Variants in GALNTL6 observed in about 807,000 individuals in gnomAD.
The protein encoded by GALNTL6 is polypeptide N-acetylgalactosaminyltransferase like 6.
Under a neutral mutation model 73.7 loss-of-function variants are expected in GALNTL6, and 46 were observed. That is an observed-to-expected ratio of 0.62 (90% confidence interval 0.49 to 0.80). The LOEUF (loss-of-function observed/expected upper bound fraction) is 0.80, where lower values mean the gene tolerates loss of function less well. Ranked by LOEUF, GALNTL6 falls within the 30% of genes least tolerant of loss-of-function variation. The pLI is 0.00. For missense variants in GALNTL6, 604 were observed against 755.0 expected, an observed-to-expected ratio of 0.80 and a Z score of 2.34; for synonymous variants, 259 against 263.7, an observed-to-expected ratio of 0.98 and a Z score of 0.17.
chr4:172,792,445 A>T (rs1449606636), intron 5 of GALNTL6, among the ~76,000 whole-genome samples: 1 of 152,134 alleles, frequency 6.6e-6, no homozygotes, highest in Non-Finnish European at 1.5e-5. Context: ...ACTAGTAAAA[A>T]AGTGAGGAAA....
intron 5 of GALNTL6, among the ~76,000 whole-genome samples, chr4:172,706,488 G>C (rs1364424316): frequency 6.6e-6 from 1 of 151,976 alleles, no homozygotes; most frequent in Non-Finnish European, 1.5e-5. Flanking sequence ...GGAGGTCATG[G>C]TTCTCTATCC....
intron 5 of GALNTL6, among the ~76,000 whole-genome samples, chr4:172,772,885 G>C (rs1298925952): frequency 6.6e-5 from 10 of 152,160 alleles, no homozygotes; most frequent in Non-Finnish European, 8.8e-5. Flanking sequence ...GTCCTTATAA[G>C]AGGGAAGAAG....
rs572971666 is a variant in GALNTL6, at chr4:171,931,867, A to T, written c.138+117149A>T. Among the ~76,000 whole-genome samples, 6 of 152,198 alleles carry T rather than the reference A, an allele frequency of 3.9e-5. No individual in the cohort carries two copies. The South Asian group carries it at 1.2e-3, about 32-fold the overall frequency. ...CACAGTTCATAAAACTAAAATCCTT[A>T]ATTCACATTTGTATGTTGTGAGTTA... On this transcript the variant is annotated intron_variant, in intron 2 of 12. Coordinates refer to ENST00000506823, the MANE Select transcript of GALNTL6 (RefSeq NM_001034845.3).
chr4:172,849,545 A>G (rs1490536577), intron 7 of GALNTL6, among the ~76,000 whole-genome samples: 1 of 152,200 alleles, frequency 6.6e-6, no homozygotes, highest in Non-Finnish European at 1.5e-5. Flanking sequence ...AATGGCATCC[A>G]TTTACCTTAA....
intron 2 of GALNTL6, among the ~76,000 whole-genome samples, chr4:171,933,562 T>C (rs1231235452): frequency 1.3e-5 from 2 of 152,140 alleles, no homozygotes; most frequent in Non-Finnish European, 2.9e-5. Context: ...CTATGCTAGA[T>C]AGATATATAG....
chr4:172,749,855 A>G (rs982581358), intron 5 of GALNTL6, among the ~76,000 whole-genome samples: 6 of 134,160 alleles, frequency 4.5e-5, no homozygotes, highest in Non-Finnish European at 6.4e-5. Flanking sequence ...CTCTTTGTAG[A>G]CTCAACCTTT....
intron 3 of GALNTL6, among the ~76,000 whole-genome samples, chr4:172,300,976 C>G (rs1042112961): frequency 6.6e-5 from 10 of 152,142 alleles, no homozygotes; most frequent in African/African-American, 2.4e-4. Context: ...CCACTTGGTT[C>G]CATTCTCCCC....
intron 5 of GALNTL6, among the ~76,000 whole-genome samples, chr4:172,355,927 T>C (rs527444896): frequency 5.3e-5 from 8 of 152,292 alleles, no homozygotes; most frequent in Non-Finnish European, 7.4e-5. Context: ...TCTTAAAATC[T>C]ACCTACCTCT....
intron 2 of GALNTL6, among the ~76,000 whole-genome samples, chr4:171,980,186 G>A (rs1016814864): frequency 3.3e-5 from 5 of 151,988 alleles, no homozygotes; most frequent in African/African-American, 7.2e-5. Context: ...AGAACCCAAA[G>A]AATTATTAGA....
chr4:172,978,703 G>A (rs1329382266), intron 10 of GALNTL6, among the ~76,000 whole-genome samples: 1 of 152,076 alleles, frequency 6.6e-6, no homozygotes, highest in Non-Finnish European at 1.5e-5. Flanking sequence ...ATATTCATTG[G>A]CTTTCCTCAT....
intron 4 of GALNTL6, among the ~76,000 whole-genome samples, chr4:172,342,285 A>G (rs2654767): frequency 0.14 from 21,479 of 151,982 alleles, 1,502 homozygotes; most frequent in Middle Eastern, 0.18. Context: ...TAGTATAAAG[A>G]TGCCTTAAAG....
chr4:172,582,206 C>G (rs988623411), intron 5 of GALNTL6, among the ~76,000 whole-genome samples: 5 of 152,178 alleles, frequency 3.3e-5, no homozygotes, highest in African/African-American at 1.2e-4. Flanking sequence ...GGAGCAGATA[C>G]CACAGTGGTT....
In GALNTL6 at chr4:172,946,243, C is replaced by T. The variant is rs111492884; in HGVS notation, c.1150-5794C>T. ...TTTGAGAAGCGGGATCTTGCCAGGA[C>T]ACATGTAATAATCACACCTTGCACA... On this transcript the variant is annotated intron_variant, in intron 9 of 12. Coordinates refer to ENST00000506823, the MANE Select transcript of GALNTL6 (RefSeq NM_001034845.3). Among the ~76,000 whole-genome samples the T allele has an allele frequency of 5.3e-3, 800 of 152,094 alleles. 10 individuals carry two copies. The highest frequency in any genetic ancestry group is 0.018 in the African/African-American group (753 of 41,474).
chr4:172,131,556 T>A (rs1733499706), intron 2 of GALNTL6, among the ~76,000 whole-genome samples: 1 of 151,092 alleles, frequency 6.6e-6, no homozygotes, highest in Non-Finnish European at 1.5e-5. Context: ...GTGTGTATGC[T>A]TTTATTCATG....
intron 2 of GALNTL6, among the ~76,000 whole-genome samples, chr4:172,053,005 C>G (rs1730921338): frequency 1.3e-5 from 2 of 152,050 alleles, no homozygotes; most frequent in African/African-American, 2.4e-5. Context: ...CCAGGCAGCA[C>G]AATGAAAGAA....
At chr4:171,824,740 A>G in intron 2 of GALNTL6, among the ~76,000 whole-genome samples, 1 of 152,000 alleles carries the variant, frequency 6.6e-6, no homozygotes, top group Non-Finnish European at 1.5e-5. Flanking sequence ...TTTTATTTTT[A>G]TTTTTTGTTT....
intron 2 of GALNTL6, among the ~76,000 whole-genome samples, chr4:172,131,522 A>G (rs1432915406): frequency 2.0e-5 from 3 of 148,902 alleles, no homozygotes; most frequent in African/African-American, 4.9e-5. Flanking sequence ...GCATATATAT[A>G]CACACACACA....
intron 5 of GALNTL6, among the ~76,000 whole-genome samples, chr4:172,353,538 C>G (rs146323604): frequency 2.6e-5 from 4 of 152,186 alleles, no homozygotes; most frequent in African/African-American, 9.6e-5. Context: ...ATTTGCCTTG[C>G]TTTCTTGTGA....
intron 2 of GALNTL6, among the ~76,000 whole-genome samples, chr4:172,055,483 T>C (rs1730994640): frequency 5.3e-5 from 8 of 152,150 alleles, no homozygotes; most frequent in Admixed American, 5.2e-4. Context: ...AATCCCACAA[T>C]AGGGCTCTTT....
Sources: gnomAD v4.1 joint callset for allele counts (sites outside exome capture counted in the v4.1 genomes callset) on GRCh38, gnomAD v4.1.1 for gene constraint, MANE v1.5 for transcripts, NCBI Gene and HGNC (gene_info 2026-07-23, HGNC 2026-07-21) for gene names.